Variants in HDAC9 observed in about 807,000 individuals in gnomAD.
The protein encoded by HDAC9 is histone deacetylase 9.
A neutral mutation model predicts 139.4 loss-of-function variants in HDAC9; 41 were observed. That is an observed-to-expected ratio of 0.29 (90% confidence interval 0.23 to 0.38). The LOEUF (loss-of-function observed/expected upper bound fraction) is 0.38. Ranked by LOEUF, HDAC9 falls within the 10% of genes least tolerant of loss-of-function variation. The pLI, the probability that HDAC9 is intolerant of heterozygous loss-of-function variation, is 1.00. For missense variants in HDAC9, 1,147 were observed against 1,297.0 expected (o/e 0.88, Z 1.78); for synonymous variants, 517 against 476.2 (o/e 1.09, Z -1.12).
At chr7:18,455,145 A>G (rs1793227884) in intron 1 of HDAC9, among the ~76,000 whole-genome samples, 3 of 152,160 alleles carry the variant, frequency 2.0e-5, no homozygotes, top group Admixed American at 2.0e-4. Flanking sequence ...AAATAAGTGT[A>G]GTAAAAAAGC....
In HDAC9 at chr7:18,916,022, G is replaced by GAAAAAAAAAAAAAAA. The variant is rs55866735; in HGVS notation, c.2804-19785_2804-19771dup. On this transcript the variant is annotated intron_variant, in intron 22 of 25. Coordinates refer to ENST00000686413, the MANE Select transcript of HDAC9 (RefSeq NM_178425.4). ...CAGACCCTCCTCTCACCCCCCGCTG[G>GAAAAAAAAAAAAAAA]AAAAAAAAAAAAAAAACAGAAAAAG... 7.2e-4 allele frequency among the ~76,000 whole-genome samples: 100 copies of GAAAAAAAAAAAAAAA among 138,082 alleles called. 1 individual carries two copies. The highest frequency in any genetic ancestry group is 3.8e-3 in the Middle Eastern group (1 of 260). The allele number at this position is 138,082 out of a possible 152,430, so 90.6% of individuals were successfully genotyped here. A position where few individuals can be genotyped will look rare whatever the true frequency, so the allele number is the denominator to read the frequency against.
chr7:18,970,929 T>C (rs910199738), intron 24 of HDAC9, among the ~76,000 whole-genome samples: 1 of 152,148 alleles, frequency 6.6e-6, no homozygotes. Context: ...TTGAGAAAAC[T>C]TTTGGTAGAT....
chr7:18,290,841 G>C, intron 1 of HDAC9, among the ~76,000 whole-genome samples: 1 of 152,118 alleles, frequency 6.6e-6, no homozygotes, highest in East Asian at 1.9e-4. Context: ...AATTTAGCCC[G>C]GAATTGTCAG....
At chr7:18,614,036 C>A (rs1320382487) in intron 6 of HDAC9, among the ~76,000 whole-genome samples, 1 of 151,940 alleles carries the variant, frequency 6.6e-6, no homozygotes, top group African/African-American at 2.4e-5. Flanking sequence ...CAATTGTCAC[C>A]ATCTTAAAGA....
At chr7:18,866,782 C>T (rs950105477) in intron 21 of HDAC9, among the ~76,000 whole-genome samples, 56 of 152,160 alleles carry the variant, frequency 3.7e-4, no homozygotes, top group African/African-American at 1.3e-3. Flanking sequence ...CAACTGAGCA[C>T]GTCAAATGAG....
chr7:18,815,485 C>T (rs1378212180), intron 17 of HDAC9, among the ~76,000 whole-genome samples: 1 of 152,194 alleles, frequency 6.6e-6, no homozygotes, highest in Non-Finnish European at 1.5e-5. Flanking sequence ...TCATAAAAGG[C>T]TCAACTTAAA....
chr7:18,656,619 A>C (rs540216856), intron 11 of HDAC9, among the ~76,000 whole-genome samples: 17 of 152,308 alleles, frequency 1.1e-4, no homozygotes, highest in Non-Finnish European at 2.1e-4. Flanking sequence ...TTTGAGGTTT[A>C]CAGTGAGGAT....
Position 18,732,949 on chromosome 7 carries a change from G to A in HDAC9, c.1909+5192G>A, listed in dbSNP as rs1416788682. Among the ~76,000 whole-genome samples, 5 of 100,224 alleles carry A rather than the reference G, an allele frequency of 5.0e-5. 1 individual carries two copies. Among genetic ancestry groups the A allele is most frequent in the Non-Finnish European group, 5.7e-5 (3 of 52,444 alleles). 65.8% of individuals were successfully genotyped at this position (100,224 alleles called of 152,430 possible). A position where few individuals can be genotyped will look rare whatever the true frequency, so the allele number is the denominator to read the frequency against. On this transcript the variant is annotated intron_variant, in intron 13 of 25. Coordinates refer to ENST00000686413, the MANE Select transcript of HDAC9 (RefSeq NM_178425.4). ...CGTGTGTATGTATGTGTATACACAC[G>A]TGTATGTGTGTGTATGTGTATATAC...
rs1355518235 is a variant in HDAC9, at chr7:18,868,119, T to G, written c.2685-6359T>G. The stretch of plus-strand genomic sequence containing the variant: ...TATATGTTTGTTTTAATCTTTTTTT[T>G]TCTTGCATACAACATGGTCTTCTTA... On this transcript the variant is annotated intron_variant, in intron 21 of 25. Coordinates refer to ENST00000686413, the MANE Select transcript of HDAC9 (RefSeq NM_178425.4). Among the ~76,000 whole-genome samples the G allele has an allele frequency of 6.6e-5, 10 of 152,310 alleles. 1 individual carries two copies. Among genetic ancestry groups the G allele is most frequent in the Middle Eastern group, 3.4e-3 (1 of 294 alleles).
intron 17 of HDAC9, among the ~76,000 whole-genome samples, chr7:18,818,953 A>G (rs1225786201): frequency 1.3e-5 from 2 of 152,240 alleles, no homozygotes; most frequent in African/African-American, 4.8e-5. Flanking sequence ...TATCCTTGCC[A>G]TAGCAATAGA....
chr7:18,986,650 A>T (rs1016202530), intron 25 of HDAC9, among the ~76,000 whole-genome samples: 43 of 151,658 alleles, frequency 2.8e-4, no homozygotes, highest in Non-Finnish European at 5.6e-4. Flanking sequence ...GAATCTGTAA[A>T]TTACCTTGGG....
chr7:18,774,260 A>T (rs994292749), intron 16 of HDAC9, among the ~76,000 whole-genome samples: 1 of 152,022 alleles, frequency 6.6e-6, no homozygotes, highest in Admixed American at 6.6e-5. Context: ...TTCTATGAAG[A>T]CTGATAAGAC....
At position 18,667,686 on chromosome 7, in the gene HDAC9, C is replaced by T. The variant is rs968466354; in HGVS notation, c.1731+1210C>T. On this transcript the variant is annotated intron_variant, in intron 12 of 25. Transcript: ENST00000686413. ...ACAGGAAGTCCAAGTGATTCATGTACTGAGGAATGTAGGAAAAAAAATCTG... is the reference window on the plus strand; with the variant it reads ...ACAGGAAGTCCAAGTGATTCATGTATTGAGGAATGTAGGAAAAAAAATCTG... 8 of 985,000 alleles carry T rather than the reference C, an allele frequency of 8.1e-6. No individual in the cohort carries two copies. The South Asian group carries it at 1.9e-4, about 23-fold the overall frequency. The allele number at this position is 985,000 out of a possible 1,614,324, so 61.0% of individuals were successfully genotyped here.
intron 1 of HDAC9, among the ~76,000 whole-genome samples, chr7:18,339,451 GAT>G (rs1365717281): frequency 1.3e-5 from 2 of 151,126 alleles, no homozygotes; most frequent in East Asian, 1.9e-4. Flanking sequence ...TGCAGATTTT[GAT>G]ATGTTTTCAT....
intron 22 of HDAC9, among the ~76,000 whole-genome samples, chr7:18,893,298 G>A (rs1191392508): frequency 6.6e-6 from 1 of 152,078 alleles, no homozygotes; most frequent in Non-Finnish European, 1.5e-5. Flanking sequence ...AGGGGCAGCA[G>A]CGTGAAGGAA....
At chr7:18,107,985 A>C (rs1209504225) in intron 1 of HDAC9, among the ~76,000 whole-genome samples, 1 of 152,244 alleles carries the variant, frequency 6.6e-6, no homozygotes, top group Admixed American at 6.5e-5. Flanking sequence ...GAGTGCAGGT[A>C]GTTTACTAAG....
chr7:18,162,393 A>T (rs1331674503), intron 2 of HDAC9: 1 of 1,503,942 alleles, frequency 6.6e-7, no homozygotes, highest in African/African-American at 1.4e-5. Flanking sequence ...CTTCATGTGA[A>T]AGATGTTGCT....
intron 2 of HDAC9, among the ~76,000 whole-genome samples, chr7:18,170,637 A>G (rs1186398897): frequency 6.6e-6 from 1 of 152,160 alleles, no homozygotes; most frequent in Non-Finnish European, 1.5e-5. Context: ...GGTGTAAGGA[A>G]GGGATCCAGT....
chr7:18,207,980 C>G (rs1488836237), intron 2 of HDAC9, among the ~76,000 whole-genome samples: 2 of 152,110 alleles, frequency 1.3e-5, no homozygotes, highest in Admixed American at 1.3e-4. Context: ...TCCGAAAGTG[C>G]TGGGATTACA....
Sources: gnomAD v4.1 joint callset for allele counts (sites outside exome capture counted in the v4.1 genomes callset) on GRCh38, gnomAD v4.1.1 for gene constraint, MANE v1.5 for transcripts, NCBI Gene and HGNC (gene_info 2026-07-23, HGNC 2026-07-21) for gene names.